CALCOCO2: variants seen among roughly 807,000 people sequenced by gnomAD.
CALCOCO2 encodes calcium binding and coiled-coil domain 2, also known as calcium-binding and coiled-coil domain-containing protein 2.
Under a neutral mutation model 62.5 loss-of-function variants are expected in CALCOCO2, and 42 were observed. The observed-to-expected ratio is 0.67, with a 90% CI of 0.53 to 0.87. The LOEUF is 0.87. CALCOCO2 is among the 40% of genes least tolerant of loss of function. The pLI is 0.00. For missense variants in CALCOCO2, 456 were observed against 515.0 expected (o/e 0.89, Z 1.11); for synonymous variants, 167 against 173.0 (o/e 0.97, Z 0.27).
intron 1 of CALCOCO2, among the ~76,000 whole-genome samples, chr17:48,832,531 T>G (rs755832357): frequency 6.6e-6 from 1 of 152,238 alleles, no homozygotes; most frequent in Non-Finnish European, 1.5e-5. Flanking sequence ...CATCATTATA[T>G]CAGGCAAGGT....
intron 5 of CALCOCO2, among the ~76,000 whole-genome samples, chr17:48,850,027 G>A (rs910557416): frequency 4.6e-5 from 7 of 151,676 alleles, no homozygotes; most frequent in South Asian, 2.1e-4. Context: ...GAGACCGGGC[G>A]TGGTGGCTCA....
At chr17:48,856,274 G>A (rs2040214168) in intron 10 of CALCOCO2, 87 bp downstream of exon 10, 7 of 686,548 alleles carry the variant, frequency 1.0e-5, no homozygotes, top group Admixed American at 7.6e-5. Flanking sequence ...AAAATAAAAA[G>A]TTAAGGGCCC....
At chr17:48,836,777 T>G (rs1210343390) in intron 1 of CALCOCO2, among the ~76,000 whole-genome samples, 5 of 151,172 alleles carry the variant, frequency 3.3e-5, no homozygotes, top group African/African-American at 1.2e-4. Context: ...TTTTTTTTTT[T>G]TGGAGATAGA....
intron 1 of CALCOCO2, among the ~76,000 whole-genome samples, chr17:48,839,163 A>C (rs1203016020): frequency 7.4e-5 from 11 of 148,788 alleles, no homozygotes; most frequent in Non-Finnish European, 1.2e-4. Flanking sequence ...ACCCGCCACC[A>C]CGCCCGGCTA....
chr17:48,834,253 A>T (rs114607402), intron 1 of CALCOCO2, among the ~76,000 whole-genome samples: 109 of 151,908 alleles, frequency 7.2e-4, no homozygotes, highest in African/African-American at 2.5e-3. Context: ...TTAGATGAAG[A>T]TGTGTCAGGT....
At chr17:48,839,272 G>T (rs2039940412) in intron 1 of CALCOCO2, 1 of 152,164 alleles carries the variant, frequency 6.6e-6, no homozygotes, top group Non-Finnish European at 1.5e-5. Flanking sequence ...CTCCCAAAGT[G>T]CTGGGATTAC....
At chr17:48,859,443 A>G (rs2143676335) in intron 10 of CALCOCO2, among the ~76,000 whole-genome samples, 1 of 152,090 alleles carries the variant, frequency 6.6e-6, no homozygotes, top group South Asian at 2.1e-4. Context: ...CTCTACAAAA[A>G]ATTTAAAAAT....
rs1369158168 is a variant in CALCOCO2, at chr17:48,848,072, G to A, written c.189G>A (p.Trp63Ter). The change falls in exon 3 of 13, where the codon TGG becomes TGA. Residue 63 changes from tryptophan to a stop codon, truncating the protein, a stop_gained. Coordinates refer to ENST00000258947, the MANE Select transcript of CALCOCO2 (RefSeq NM_005831.5). LOFTEE classifies it high-confidence loss of function. ...KDWIGIFRVG[W>*]KTTREYYTFM... ...ACTTCTTGTCATTGCAGGTGGGGTG[G>A]AAGACAACCCGTGAGTATTACACCT... is the stretch of plus-strand genomic sequence containing the variant. The A allele has an allele frequency of 2.5e-6, 4 of 1,605,910 alleles. No individual in the cohort carries two copies. The highest frequency in any genetic ancestry group is 1.6e-4 in the Middle Eastern group (1 of 6,072).
At chr17:48,852,410 G>A in intron 7 of CALCOCO2, 96 bp from the exon 8 acceptor site, 2 of 1,111,764 alleles carry the variant, frequency 1.8e-6, no homozygotes, top group Non-Finnish European at 2.6e-6. Context: ...AGTTGCTAGG[G>A]AAACACATCT....
At position 48,852,193 on chromosome 17, in the gene CALCOCO2, T is replaced by A. The variant is rs1316860172; in HGVS notation, c.703-313T>A. 1.3e-5 allele frequency: 3 copies of A among 223,392 alleles called. No homozygotes were observed. The East Asian group carries it at 3.0e-4, about 22-fold the overall frequency. The allele number at this position is 223,392 out of a possible 1,614,324, so 13.8% of individuals were successfully genotyped here. A position where few individuals can be genotyped will look rare whatever the true frequency, so the allele number is the denominator to read the frequency against. On this transcript the variant is annotated intron_variant, in intron 7 of 12. Coordinates refer to ENST00000258947, the MANE Select transcript of CALCOCO2 (RefSeq NM_005831.5). ...CAAGGAACTTAGTGATTTGTTCATG[T>A]ATTACTAAGGTAGTTTACCATGAGC...
intron 11 of CALCOCO2, 127 bp from the exon 12 acceptor site, chr17:48,862,149 A>G: frequency 1.3e-6 from 1 of 753,874 alleles, no homozygotes; most frequent in Non-Finnish European, 2.5e-6. Context: ...TATATGAGAG[A>G]GAAAGAATCA....
intron 5 of CALCOCO2, 76 bp downstream of exon 5, chr17:48,849,453 T>C (rs1308790635): frequency 1.5e-6 from 2 of 1,315,274 alleles, no homozygotes; most frequent in African/African-American, 2.9e-5. Context: ...AGCACCATAT[T>C]CTGTTTTGCC....
intron 9 of CALCOCO2, among the ~76,000 whole-genome samples, chr17:48,853,879 C>G (rs1347490013): frequency 1.3e-5 from 2 of 152,208 alleles, no homozygotes; most frequent in Non-Finnish European, 2.9e-5. Context: ...TAGCTGCTGT[C>G]CCTATAGATT....
Position 48,864,752 on chromosome 17 carries a change from G to A in CALCOCO2, c.*1747G>A, listed in dbSNP as rs1489117836. On this transcript the variant is annotated 3_prime_UTR_variant, in exon 13 of 13. Transcript: ENST00000258947. ...ATTTCATCCTTGATAAAATGAAGAT[G>A]AAACTTACACTACTTCTCCAAGCCT... 1 of 152,284 alleles carries A rather than the reference G, an allele frequency of 6.6e-6. No homozygotes were observed. The highest frequency in any genetic ancestry group is 2.4e-5 in the African/African-American group (1 of 41,454). The allele number at this position is 152,284 out of a possible 1,614,324, so 9.4% of individuals were successfully genotyped here. A position where few individuals can be genotyped will look rare whatever the true frequency, so the allele number is the denominator to read the frequency against.
In CALCOCO2 at chr17:48,848,448, C is replaced by G; in HGVS notation, c.410C>G (p.Thr137Ser). Residue 137 changes from threonine to serine, a missense_variant, in exon 4 of 13, where the codon ACC becomes AGC. By Grantham distance (58) the Thr-to-Ser change is moderately conservative. Around this residue, in one of 3 missense-constraint regions of CALCOCO2, gnomAD observed 236 missense variants for 225.3 expected, o/e 1.05. Transcript: ENST00000258947. ...PENEEDILVV[T>S]TQGEVEEIEQ... is the part of the protein sequence containing the mutation. Reference sequence around the variant, plus strand: ...AATGAGGAAGACATCCTGGTTGTTACCACTCAGGTTTGTAAAACTTCTCAC... The same window carrying G: ...AATGAGGAAGACATCCTGGTTGTTAGCACTCAGGTTTGTAAAACTTCTCAC... The G allele has an allele frequency of 6.2e-7, 1 of 1,613,830 alleles. No homozygotes were observed. Among genetic ancestry groups the G allele is most frequent in the Non-Finnish European group, 8.5e-7 (1 of 1,179,752 alleles).
In CALCOCO2 at chr17:48,848,167, G is replaced by C; in HGVS notation, c.283+1G>C. 1.2e-6 allele frequency: 2 copies of C among 1,603,556 alleles called. No individual in the cohort carries two copies. The highest frequency in any genetic ancestry group is 1.7e-6 in the Non-Finnish European group (2 of 1,170,464). On this transcript the variant is annotated splice_donor_variant, in intron 3 of 12. Coordinates refer to ENST00000258947, the MANE Select transcript of CALCOCO2 (RefSeq NM_005831.5). LOFTEE classifies it high-confidence loss of function. ...AAACAGCAGGAAGTCCAATTCAAAG[G>C]TGAGAAAAATACTGGATCAAAGGTG... is the stretch of plus-strand genomic sequence containing the variant.
At chr17:48,839,128 C>T (rs556181224) in intron 1 of CALCOCO2, among the ~76,000 whole-genome samples, 1 of 151,832 alleles carries the variant, frequency 6.6e-6, no homozygotes, top group Non-Finnish European at 1.5e-5. Context: ...CTGCCTCAGC[C>T]TCCTGAGTAG....
intron 10 of CALCOCO2, among the ~76,000 whole-genome samples, chr17:48,857,681 C>A (rs1039497923): frequency 1.0e-4 from 15 of 149,388 alleles, no homozygotes; most frequent in African/African-American, 3.7e-4. Context: ...GCGGTTAAAA[C>A]ACATAAAATT....
rs1387029799 is a variant in CALCOCO2, at chr17:48,850,505, T to G, written c.544-584T>G. On this transcript the variant is annotated intron_variant, in intron 5 of 12. Coordinates refer to ENST00000258947, the MANE Select transcript of CALCOCO2 (RefSeq NM_005831.5). ...ATATATATATGCATACACATAGTAT[T>G]ATTAAAATTAGTCTGTTTCTTTTTA... Among the ~76,000 whole-genome samples, 3 of 152,064 alleles carry G rather than the reference T, an allele frequency of 2.0e-5. No individual in the cohort carries two copies. In the East Asian group the frequency reaches 5.8e-4, roughly 29 times the overall value.
Sources: allele counts gnomAD v4.1 joint callset (sites outside exome capture counted in the v4.1 genomes callset), GRCh38; gene constraint gnomAD v4.1.1; regional missense constraint gnomAD v4.1.1; transcripts MANE v1.5; gene names NCBI Gene and HGNC (gene_info 2026-07-23, HGNC 2026-07-21).